Variants in CPNE4 observed in about 807,000 individuals in gnomAD.
CPNE4 encodes the protein copine-4.
In CPNE4, 25 loss-of-function variants were observed where a neutral mutation model predicts 67.9. The observed-to-expected ratio is 0.37, with a 90% CI of 0.27 to 0.51. The LOEUF (loss-of-function observed/expected upper bound fraction) is 0.51, where lower values mean the gene tolerates loss of function less well. CPNE4 is among the 20% of genes least tolerant of loss of function. The pLI, the probability that CPNE4 is intolerant of heterozygous loss-of-function variation, is 0.93. For missense variants in CPNE4, 464 were observed against 690.8 expected, an observed-to-expected ratio of 0.67 and a Z score of 3.68; for synonymous variants, 242 against 244.9, an observed-to-expected ratio of 0.99 and a Z score of 0.11.
At chr3:131,846,571 G>A (rs2086005427) in intron 2 of CPNE4, among the ~76,000 whole-genome samples, 1 of 152,150 alleles carries the variant, frequency 6.6e-6, no homozygotes, top group African/African-American at 2.4e-5. Flanking sequence ...TGGTGCTAAG[G>A]GTTTGAACTG....
chr3:131,943,169 C>A (rs1049514279), intron 1 of CPNE4, among the ~76,000 whole-genome samples: 1 of 152,146 alleles, frequency 6.6e-6, no homozygotes, highest in African/African-American at 2.4e-5. Context: ...CCAGGAGGGT[C>A]TGGAGGAGCA....
intron 2 of CPNE4, among the ~76,000 whole-genome samples, chr3:131,887,550 GA>G (rs771842659): frequency 1.3e-5 from 2 of 152,172 alleles, no homozygotes; most frequent in Non-Finnish European, 2.9e-5. Flanking sequence ...GGAGGGCTAT[GA>G]AGATACTAGC....
chr3:131,974,381 A>T (rs1287481058), intron 1 of CPNE4, among the ~76,000 whole-genome samples: 4 of 152,212 alleles, frequency 2.6e-5, no homozygotes, highest in African/African-American at 7.2e-5. Context: ...ATGTATATAC[A>T]TACAATGTGC....
At chr3:131,935,915 T>G (rs2071205812) in intron 1 of CPNE4, among the ~76,000 whole-genome samples, 1 of 152,006 alleles carries the variant, frequency 6.6e-6, no homozygotes, top group Non-Finnish European at 1.5e-5. Flanking sequence ...TGTGGATTCA[T>G]AGAAGGATAT....
intron 2 of CPNE4, among the ~76,000 whole-genome samples, chr3:131,846,400 C>T (rs996997971): frequency 6.6e-6 from 1 of 152,152 alleles, no homozygotes; most frequent in Non-Finnish European, 1.5e-5. Context: ...TGTCCAACTA[C>T]CTGGATTCTT....
At chr3:131,830,737 TTCTA>T (rs1036289978) in intron 2 of CPNE4, among the ~76,000 whole-genome samples, 15 of 152,302 alleles carry the variant, frequency 9.8e-5, no homozygotes, top group South Asian at 6.2e-4. Flanking sequence ...TTCCAATTAG[TTCTA>T]CAAAGGCAAG....
chr3:131,853,371 G>A (rs1363782915), intron 2 of CPNE4, among the ~76,000 whole-genome samples: 1 of 150,936 alleles, frequency 6.6e-6, no homozygotes, highest in East Asian at 1.9e-4. Context: ...CTCGATACTT[G>A]TGTGTGTGTG....
In CPNE4 at chr3:131,863,521, C is replaced by A. The variant is rs1399734924; in HGVS notation, c.180+41743G>T. Among the ~76,000 whole-genome samples, 5 of 152,226 alleles carry A rather than the reference C, an allele frequency of 3.3e-5. 1 individual carries two copies. Among genetic ancestry groups the A allele is most frequent in the African/African-American group, 1.2e-4 (5 of 41,450 alleles). On this transcript the variant is annotated intron_variant, in intron 2 of 15. Transcript: ENST00000429747. The stretch of plus-strand genomic sequence containing the variant: ...ATAAATGTCTTCTTTTGAGAAGTGT[C>A]TGTTCATATCCTTCGCCCACTTTTT...
chr3:131,571,196 G>A (rs1057396140), intron 10 of CPNE4, among the ~76,000 whole-genome samples: 7 of 151,910 alleles, frequency 4.6e-5, no homozygotes, highest in African/African-American at 1.7e-4. Context: ...TTCCTCCTGG[G>A]CATCTGAGTT....
chr3:131,594,284 T>G (rs1938713618), intron 7 of CPNE4, among the ~76,000 whole-genome samples: 1 of 152,212 alleles, frequency 6.6e-6, no homozygotes. Context: ...GGCATCACAT[T>G]TCCTGATTTT....
chr3:131,939,660 T>C (rs909157221), intron 1 of CPNE4, among the ~76,000 whole-genome samples: 2 of 152,140 alleles, frequency 1.3e-5, no homozygotes, highest in Non-Finnish European at 2.9e-5. Context: ...AGTTAACCAT[T>C]AAGTTGTACA....
At chr3:132,025,777 G>A (rs1410392087) in intron 1 of CPNE4, among the ~76,000 whole-genome samples, 1 of 152,124 alleles carries the variant, frequency 6.6e-6, no homozygotes, top group Non-Finnish European at 1.5e-5. Flanking sequence ...AGCTTCAACA[G>A]GTTAAGCAGA....
In CPNE4 at chr3:131,999,408, A is replaced by G. The variant is rs146599631; in HGVS notation, c.-2+35159T>C. Among the ~76,000 whole-genome samples, 183 of 152,164 alleles carry G rather than the reference A, an allele frequency of 1.2e-3. 1 individual carries two copies. Among genetic ancestry groups the G allele is most frequent in the Non-Finnish European group, 9.4e-4 (64 of 67,970 alleles). The stretch of plus-strand genomic sequence containing the variant: ...AAGGAATAAGCATGCAGTAACATAG[A>G]TGAATCTCAAGAATACTATTTAGTG... On this transcript the variant is annotated intron_variant, in intron 1 of 15. Transcript: ENST00000429747.
intron 1 of CPNE4, among the ~76,000 whole-genome samples, chr3:131,916,034 C>T (rs1375352174): frequency 2.6e-5 from 4 of 152,236 alleles, no homozygotes; most frequent in Non-Finnish European, 5.9e-5. Flanking sequence ...TGAACTAAAT[C>T]GCAAGAGAAA....
chr3:131,919,193 A>G (rs1380069108), intron 1 of CPNE4, among the ~76,000 whole-genome samples: 1 of 152,214 alleles, frequency 6.6e-6, no homozygotes, highest in African/African-American at 2.4e-5. Context: ...CACTAAGTGA[A>G]TAGTGAAGAG....
intron 2 of CPNE4, among the ~76,000 whole-genome samples, chr3:131,863,578 T>A (rs142036758): frequency 3.3e-5 from 5 of 152,384 alleles, no homozygotes; most frequent in African/African-American, 1.2e-4. Context: ...TAAATTTGTC[T>A]GAGTTCATTG....
intron 7 of CPNE4, among the ~76,000 whole-genome samples, chr3:131,641,837 C>A (rs2079548820): frequency 6.6e-6 from 1 of 152,082 alleles, no homozygotes; most frequent in Non-Finnish European, 1.5e-5. Flanking sequence ...TAACAAGGAA[C>A]AAAACATTGG....
chr3:132,008,174 T>C (rs2073656328), intron 1 of CPNE4, among the ~76,000 whole-genome samples: 1 of 152,166 alleles, frequency 6.6e-6, no homozygotes, highest in Admixed American at 6.5e-5. Context: ...TCTTATTGAA[T>C]GAGGATTGAA....
At chr3:131,731,339 C>T (rs550398959) in intron 2 of CPNE4, among the ~76,000 whole-genome samples, 7 of 152,244 alleles carry the variant, frequency 4.6e-5, no homozygotes, top group African/African-American at 1.7e-4. Flanking sequence ...AATGAGTATC[C>T]CCCGTAGGCA....
Sources: gnomAD v4.1 joint callset for allele counts (sites outside exome capture counted in the v4.1 genomes callset) on GRCh38, gnomAD v4.1.1 for gene constraint, MANE v1.5 for transcripts, NCBI Gene and HGNC (gene_info 2026-07-23, HGNC 2026-07-21) for gene names.